Variants in INTS7 observed in about 807,000 individuals in gnomAD.
The protein encoded by INTS7 is integrator complex subunit 7.
Under a neutral mutation model 109.2 loss-of-function variants are expected in INTS7, and 46 were observed. The ratio of observed to expected loss-of-function variants is 0.42; its 90% CI spans 0.33 to 0.54. The LOEUF (loss-of-function observed/expected upper bound fraction) is 0.54, where lower values mean the gene tolerates loss of function less well. Among genes scored for constraint, INTS7 ranks in the 20% least tolerant of loss-of-function variants. INTS7 has a pLI of 0.07. For missense variants in INTS7, 929 were observed against 1,132.4 expected (o/e 0.82, Z 2.58); for synonymous variants, 412 against 402.9 (o/e 1.02, Z -0.27).
intron 4 of INTS7, among the ~76,000 whole-genome samples, chr1:212,015,977 GTTT>G (rs890581964): frequency 1.1e-4 from 16 of 151,640 alleles, no homozygotes; most frequent in African/African-American, 3.9e-4. Context: ...AGCTATTGGG[GTTT>G]TTTAAAACAA....
chr1:211,966,582 A>G, intron 15 of INTS7, 84 bp from the exon 16 acceptor site: 1 of 794,144 alleles, frequency 1.3e-6, no homozygotes, highest in Non-Finnish European at 2.1e-6. Context: ...ATTGGTCAAG[A>G]TTTAATGATT....
chr1:211,957,455 A>G (rs1176006212), intron 16 of INTS7, among the ~76,000 whole-genome samples: 1 of 152,120 alleles, frequency 6.6e-6, no homozygotes, highest in East Asian at 1.9e-4. Context: ...CTGAGGCAGG[A>G]GAATCGCTTG....
At chr1:211,993,252 CA>C (rs1320310533) in intron 7 of INTS7, among the ~76,000 whole-genome samples, 1 of 152,212 alleles carries the variant, frequency 6.6e-6, no homozygotes, top group East Asian at 1.9e-4. Flanking sequence ...TCCTCCTAGT[CA>C]CAGGTAAGGT....
rs536685416 is a variant in INTS7 at position 211,973,076 on chromosome 1, G to C, written c.1815+2090C>G. Among the ~76,000 whole-genome samples the C allele has an allele frequency of 4.5e-4, 69 of 152,226 alleles. 1 individual carries two copies. The South Asian group carries it at 0.014, about 32-fold the overall frequency. ...GGTGATTCTCCCACCTCAGCCTCCT[G>C]AGTAGCTAGGACCACAGGCGCATGC... On this transcript the variant is annotated intron_variant, in intron 13 of 19. Coordinates refer to ENST00000366994, the MANE Select transcript of INTS7 (RefSeq NM_015434.4).
chr1:212,008,510 T>C (rs1666032810), intron 5 of INTS7, among the ~76,000 whole-genome samples: 1 of 152,158 alleles, frequency 6.6e-6, no homozygotes, highest in Non-Finnish European at 1.5e-5. Context: ...TCTCATTCTA[T>C]GTGTTTTCCC....
intron 16 of INTS7, among the ~76,000 whole-genome samples, chr1:211,953,463 A>G (rs1419486221): frequency 2.0e-5 from 3 of 151,260 alleles, no homozygotes; most frequent in Admixed American, 6.6e-5. Flanking sequence ...GGTTTGTTAC[A>G]TATGTATACA....
At position 211,988,139 on chromosome 1, in the gene INTS7, G is replaced by A. The variant is rs189153503; in HGVS notation, c.880-136C>T. 1,053 of 500,840 alleles carry A rather than the reference G, an allele frequency of 2.1e-3. 8 individuals carry two copies. Among genetic ancestry groups the A allele is most frequent in the Non-Finnish European group, 3.2e-3 (924 of 285,950 alleles). The allele number at this position is 500,840 out of a possible 1,614,324, so 31.0% of individuals were successfully genotyped here. ...TTTTTCATGTTAAAAAACTTAAATCGAGGCCAGGTGCAGTGGCTCATTCTG... is the reference window on the plus strand; with the variant it reads ...TTTTTCATGTTAAAAAACTTAAATCAAGGCCAGGTGCAGTGGCTCATTCTG... On this transcript the variant is annotated intron_variant, in intron 7 of 19. Coordinates refer to ENST00000366994, the MANE Select transcript of INTS7 (RefSeq NM_015434.4).
At chr1:212,021,816 C>T (rs1666721650) in intron 1 of INTS7, among the ~76,000 whole-genome samples, 1 of 151,882 alleles carries the variant, frequency 6.6e-6, no homozygotes, top group East Asian at 1.9e-4. Flanking sequence ...TCACGGTGCT[C>T]CAGCCTGGGC....
intron 5 of INTS7, among the ~76,000 whole-genome samples, chr1:212,009,626 T>C (rs1666079212): frequency 6.6e-6 from 1 of 152,214 alleles, no homozygotes; most frequent in African/African-American, 2.4e-5. Context: ...TATTACGGGT[T>C]CAAGAACTAC....
At chr1:211,966,247 C>A in intron 16 of INTS7, 183 bp downstream of exon 16, 1 of 403,512 alleles carries the variant, frequency 2.5e-6, no homozygotes, top group South Asian at 6.5e-5. Flanking sequence ...TTTTTGAAAA[C>A]AGGAGGCAGG....
intron 16 of INTS7, among the ~76,000 whole-genome samples, chr1:211,962,256 A>C (rs968094295): frequency 1.5e-5 from 2 of 133,366 alleles, no homozygotes; most frequent in Non-Finnish European, 3.3e-5. Context: ...AAACCAACAA[A>C]GATTAAAAAA....
In INTS7 at chr1:211,944,794, T is replaced by C; in HGVS notation, c.2591A>G (p.Gln864Arg). 1 of 1,613,740 alleles carries C rather than the reference T, an allele frequency of 6.2e-7. No individual in the cohort carries two copies. Among genetic ancestry groups the C allele is most frequent in the Non-Finnish European group, 8.5e-7 (1 of 1,179,598 alleles). ...TCTTTTCTAAATTACCTTGTAGTCT[T>C]GTCCAGATTTACTCTGCAGTGTGGA... ...VSSTLQSKSG[Q>R]DYKIPIDNMT... Residue 864 changes from glutamine (Q) to arginine (R), a missense_variant, in exon 19 of 20, where the codon CAA becomes CGA. Transcript: ENST00000366994.
intron 7 of INTS7, among the ~76,000 whole-genome samples, chr1:212,004,224 C>T (rs376944468): frequency 6.6e-6 from 1 of 152,170 alleles, no homozygotes; most frequent in East Asian, 1.9e-4. Context: ...TGCCTGTAGT[C>T]CCAGCTGCTT....
intron 6 of INTS7, 25 bp from the exon 7 acceptor site, chr1:212,006,786 T>C: frequency 1.9e-6 from 3 of 1,562,288 alleles, no homozygotes; most frequent in Non-Finnish European, 2.6e-6. Flanking sequence ...AGTCACTCCA[T>C]AAACAATACT....
chr1:211,988,842 C>T (rs1379652142), intron 7 of INTS7, among the ~76,000 whole-genome samples: 1 of 152,140 alleles, frequency 6.6e-6, no homozygotes, highest in Non-Finnish European at 1.5e-5. Flanking sequence ...TATCTTCCTC[C>T]CATTTCTGGC....
In INTS7 at chr1:211,940,903, G is replaced by GA. The variant is rs1353797044; in HGVS notation, c.*920dup. The GA allele has an allele frequency of 3.9e-5, 6 of 152,154 alleles. No homozygotes were observed. The highest frequency in any genetic ancestry group is 7.2e-5 in the African/African-American group (3 of 41,424). 9.4% of individuals were successfully genotyped at this position (152,154 alleles called of 1,614,324 possible). ...ATTATACACAGTTGCAGACACATCA[G>GA]AAAAAACAAATTAATTTTCTATGAA... On this transcript the variant is annotated 3_prime_UTR_variant, in exon 20 of 20. Transcript: ENST00000366994.
At chr1:211,972,622 G>A (rs1411529311) in intron 13 of INTS7, among the ~76,000 whole-genome samples, 9 of 152,136 alleles carry the variant, frequency 5.9e-5, no homozygotes, top group Admixed American at 5.9e-4. Context: ...TCTAACTAAT[G>A]GAATATGGCA....
chr1:212,002,457 GA>G (rs547427654), intron 7 of INTS7, among the ~76,000 whole-genome samples: 4 of 152,156 alleles, frequency 2.6e-5, no homozygotes, highest in Non-Finnish European at 4.4e-5. Context: ...AAGTCCTTAA[GA>G]AGGACTCAAA....
intron 16 of INTS7, among the ~76,000 whole-genome samples, chr1:211,964,489 C>G (rs777562991): frequency 2.0e-5 from 3 of 152,128 alleles, no homozygotes; most frequent in African/African-American, 7.2e-5. Context: ...TCATATGGAA[C>G]CAAAAAGAGC....
Sources: gnomAD v4.1 joint callset for allele counts (sites outside exome capture counted in the v4.1 genomes callset) on GRCh38, gnomAD v4.1.1 for gene constraint, MANE v1.5 for transcripts, NCBI Gene and HGNC (gene_info 2026-07-23, HGNC 2026-07-21) for gene names.